Variants in DLG1 observed in about 807,000 individuals in gnomAD.
DLG1 encodes the protein disks large homolog 1.
DLG1 carries 42 observed loss-of-function variants against 123.4 expected under a neutral mutation model. That is an observed-to-expected ratio of 0.34 (90% CI 0.27 to 0.44). DLG1 has a LOEUF of 0.44. Among genes scored for constraint, DLG1 ranks in the 20% least tolerant of loss-of-function variants. The pLI is 1.00. For missense variants in DLG1, 942 were observed against 1,082.6 expected (o/e 0.87, Z 1.82); for synonymous variants, 317 against 356.2 (o/e 0.89, Z 1.24).
chr3:197,094,908 TA>T (rs150971825), intron 14 of DLG1, among the ~76,000 whole-genome samples: 256 of 152,328 alleles, frequency 1.7e-3, no homozygotes, highest in Middle Eastern at 3.4e-3. Flanking sequence ...GAATTCCAGA[TA>T]TTTTTTTCCT....
intron 4 of DLG1, among the ~76,000 whole-genome samples, chr3:197,218,479 T>C (rs932899786): frequency 7.2e-5 from 11 of 152,316 alleles, no homozygotes; most frequent in Non-Finnish European, 1.3e-4. Flanking sequence ...ACAGCTATAC[T>C]GTCAGAACAA....
At chr3:197,267,024 T>C (rs1761963340) in intron 4 of DLG1, among the ~76,000 whole-genome samples, 1 of 151,882 alleles carries the variant, frequency 6.6e-6, no homozygotes, top group Non-Finnish European at 1.5e-5. Context: ...TACATGTGAG[T>C]GACAAGCACC....
chr3:197,118,555 T>G (rs1774533230), intron 12 of DLG1, among the ~76,000 whole-genome samples: 1 of 152,190 alleles, frequency 6.6e-6, no homozygotes, highest in Non-Finnish European at 1.5e-5. Context: ...ATGCTAACAA[T>G]AATGTAATCA....
chr3:197,161,101 C>A (rs1235799395), intron 5 of DLG1, among the ~76,000 whole-genome samples: 1 of 152,074 alleles, frequency 6.6e-6, no homozygotes, highest in Non-Finnish European at 1.5e-5. Context: ...AATTTTACAA[C>A]AGATTTACAG....
chr3:197,174,569 G>A (rs1806009100), intron 5 of DLG1, among the ~76,000 whole-genome samples: 1 of 152,010 alleles, frequency 6.6e-6, no homozygotes, highest in African/African-American at 2.4e-5. Flanking sequence ...TCCTGCTATG[G>A]TACTTAGTTT....
chr3:197,056,164 A>T (rs1280170006), intron 23 of DLG1, among the ~76,000 whole-genome samples: 1 of 152,190 alleles, frequency 6.6e-6, no homozygotes, highest in East Asian at 1.9e-4. Flanking sequence ...CAGAGATCCG[A>T]AATAGTAACA....
chr3:197,151,860 T>A (rs1165221308), intron 5 of DLG1, among the ~76,000 whole-genome samples: 3 of 152,114 alleles, frequency 2.0e-5, no homozygotes, highest in Non-Finnish European at 4.4e-5. Flanking sequence ...CTGGCCAACA[T>A]GGGTGAGCAA....
intron 23 of DLG1, among the ~76,000 whole-genome samples, chr3:197,056,379 T>C (rs142535649): frequency 6.6e-6 from 1 of 152,362 alleles, no homozygotes; most frequent in Non-Finnish European, 1.5e-5. Flanking sequence ...CCTATTTTGG[T>C]AAGGGTTCTT....
chr3:197,297,486 C>A, intron 1 of DLG1: 1 of 1,312,352 alleles, frequency 7.6e-7, no homozygotes, highest in Admixed American at 3.4e-5. Flanking sequence ...CGTCCCCTCC[C>A]CAAAGAGCCT....
rs752891618 is a variant in DLG1 at position 197,136,545 on chromosome 3, T to C, written c.1017A>G (p.Leu339=). The C allele has an allele frequency of 7.5e-6, 12 of 1,607,582 alleles. No homozygotes were observed. The highest frequency in any genetic ancestry group is 1.0e-5 in the Non-Finnish European group (12 of 1,177,938). The part of the protein sequence containing the change: ...DGKLQIGDKL[L]AVNNVCLEEV... ...ACAATAGATTTCTTATACTTACTGCTAAAAGTTTATCTCCAATCTGAAGTT... is the reference window on the plus strand; with the variant it reads ...ACAATAGATTTCTTATACTTACTGCCAAAAGTTTATCTCCAATCTGAAGTT... The change falls in exon 10 of 25, where the codon TTA becomes TTG. Residue 339 remains leucine, a synonymous_variant. Transcript: ENST00000667157.
chr3:197,128,082 T>C (rs897916943), intron 11 of DLG1, among the ~76,000 whole-genome samples: 5 of 152,292 alleles, frequency 3.3e-5, no homozygotes, highest in East Asian at 1.9e-4. Context: ...CAGTTGGCCA[T>C]ATCCACTGAC....
chr3:197,110,246 T>C (rs1208938072), intron 13 of DLG1, among the ~76,000 whole-genome samples: 1 of 152,206 alleles, frequency 6.6e-6, no homozygotes, highest in Non-Finnish European at 1.5e-5. Context: ...AGTTTGCTGA[T>C]TCTTTCTTCT....
intron 3 of DLG1, among the ~76,000 whole-genome samples, chr3:197,284,389 ATC>A (rs1022545404): frequency 7.9e-5 from 12 of 152,332 alleles, no homozygotes; most frequent in African/African-American, 2.9e-4. Flanking sequence ...TTCAAAAGTC[ATC>A]TCTCTCAATA....
At chr3:197,053,720 G>C (rs1017079751) in intron 23 of DLG1, among the ~76,000 whole-genome samples, 1 of 150,050 alleles carries the variant, frequency 6.7e-6, no homozygotes, top group Non-Finnish European at 1.5e-5. Flanking sequence ...GTTGCAGTGA[G>C]CTGAGAATGA....
At chr3:197,174,358 G>GAAACAA (rs1278944525) in intron 5 of DLG1, among the ~76,000 whole-genome samples, 1 of 151,948 alleles carries the variant, frequency 6.6e-6, no homozygotes, top group African/African-American at 2.4e-5. Context: ...AAAAAACAAG[G>GAAACAA]AAACAAGATA....
At chr3:197,218,866 T>G (rs1409144688) in intron 4 of DLG1, among the ~76,000 whole-genome samples, 2 of 152,180 alleles carry the variant, frequency 1.3e-5, no homozygotes, top group Non-Finnish European at 2.9e-5. Context: ...GTGCGATGGC[T>G]CACGCCTGTA....
At chr3:197,280,494 T>C (rs1329662105) in intron 4 of DLG1, among the ~76,000 whole-genome samples, 1 of 152,152 alleles carries the variant, frequency 6.6e-6, no homozygotes, top group African/African-American at 2.4e-5. Context: ...ATCCTTTCTC[T>C]TGGACAGATA....
chr3:197,046,034 T>C (rs1054686084), intron 24 of DLG1, among the ~76,000 whole-genome samples: 2 of 152,220 alleles, frequency 1.3e-5, no homozygotes, highest in South Asian at 4.1e-4. Context: ...TAACATGATA[T>C]TCGCTAGTAT....
At chr3:197,086,149 T>C (rs1025574835) in intron 15 of DLG1, among the ~76,000 whole-genome samples, 2 of 152,228 alleles carry the variant, frequency 1.3e-5, no homozygotes, top group South Asian at 4.2e-4. Context: ...CCTGATATAT[T>C]TGATTTATTA....
Sources: gnomAD v4.1 joint callset for allele counts (sites outside exome capture counted in the v4.1 genomes callset) on GRCh38, gnomAD v4.1.1 for gene constraint, MANE v1.5 for transcripts, NCBI Gene and HGNC (gene_info 2026-07-23, HGNC 2026-07-21) for gene names.